The following ZNF469 variants were observed in gnomAD, a reference collection of about 807,000 sequenced individuals.
ZNF469 encodes zinc finger protein 469.
In ZNF469, 1 loss-of-function variant was observed where a neutral mutation model predicts 1.0. The ratio of observed to expected loss-of-function variants is 1.00; its 90% CI spans 0.35 to 4.73. The LOEUF (loss-of-function observed/expected upper bound fraction) is 4.73, where lower values mean the gene tolerates loss of function less well. Ranked by LOEUF, ZNF469 falls within the 30% of genes most tolerant of loss-of-function variation. ZNF469 has a pLI of 0.16. For missense variants in ZNF469, 6,100 were observed against 5,356.3 expected (o/e 1.14, Z -4.33); for synonymous variants, 2,703 against 2,363.4 (o/e 1.14, Z -4.17).
At chr16:88,167,424 C>T in the ZNF469 span, among the ~76,000 whole-genome samples, 2 of 152,184 alleles carry the variant, frequency 1.3e-5, no homozygotes, top group Non-Finnish European at 2.9e-5. Flanking sequence ...AGAAGAATCT[C>T]CTTGACTCCG....
At chr16:88,121,383 C>T in the ZNF469 span, among the ~76,000 whole-genome samples, 10 of 152,202 alleles carry the variant, frequency 6.6e-5, no homozygotes, top group East Asian at 3.9e-4. Flanking sequence ...GAAACTAAGC[C>T]GCTGTCGCCA....
Position 88,435,771 on chromosome 16 carries a change from CAA to C in ZNF469, c.8303_8304del (p.Lys2768ArgfsTer67). 1.3e-6 allele frequency: 2 copies of C among 1,550,742 alleles called. No individual in the cohort carries two copies. Among genetic ancestry groups the C allele is most frequent in the Non-Finnish European group, 1.7e-6 (2 of 1,146,990 alleles). On this transcript the variant is annotated frameshift_variant, in exon 3 of 3. Transcript: ENST00000565624. LOFTEE classifies it low-confidence loss of function (END_TRUNC). The part of the protein sequence containing the change: ...PRETKALGVC[K>X]ESGSEPAEDS... ...GAGAGACCAAGGCGTTGGGTGTGTG[CAA>C]AGAGTCTGGGAGCGAGCCTGCGGAG... is the stretch of plus-strand genomic sequence containing the variant.
chr16:88,153,492 C>G, the ZNF469 span, among the ~76,000 whole-genome samples: 1 of 152,168 alleles, frequency 6.6e-6, no homozygotes, highest in Admixed American at 6.5e-5. Context: ...AGGATTTTTC[C>G]CGAGTGGGTA....
At chr16:88,193,138 GTGA>G in the ZNF469 span, among the ~76,000 whole-genome samples, 5,295 of 67,134 alleles carry the variant, frequency 0.079, 1,412 homozygotes, top group Non-Finnish European at 0.1. Flanking sequence ...GGTGATGGTG[GTGA>G]TGGTGGTGGG....
the ZNF469 span, among the ~76,000 whole-genome samples, chr16:88,123,650 G>A: frequency 3.3e-5 from 5 of 151,508 alleles, no homozygotes; most frequent in Non-Finnish European, 7.4e-5. Flanking sequence ...CTTGCCAAAG[G>A]GGTCGTCCCC....
At chr16:88,225,567 T>C in the ZNF469 span, among the ~76,000 whole-genome samples, 1 of 151,172 alleles carries the variant, frequency 6.6e-6, no homozygotes, top group Non-Finnish European at 1.5e-5. Flanking sequence ...GAGCCGCCCA[T>C]GCCCTCTGCC....
the ZNF469 span, among the ~76,000 whole-genome samples, chr16:88,228,087 T>C: frequency 6.6e-6 from 1 of 152,374 alleles, no homozygotes; most frequent in East Asian, 1.9e-4. Flanking sequence ...CCCGATCCAG[T>C]ATGACCTCGT....
the ZNF469 span, among the ~76,000 whole-genome samples, chr16:88,120,806 G>A: frequency 1.3e-5 from 2 of 152,184 alleles, no homozygotes; most frequent in Non-Finnish European, 2.9e-5. Context: ...TATGAATCCC[G>A]GAGGAGACGC....
At chr16:88,294,516 C>T in the ZNF469 span, among the ~76,000 whole-genome samples, 7 of 152,222 alleles carry the variant, frequency 4.6e-5, no homozygotes, top group African/African-American at 1.7e-4. Flanking sequence ...TACTCAAAGA[C>T]ACAGGCAAGA....
chr16:88,328,978 G>A, the ZNF469 span, among the ~76,000 whole-genome samples: 1 of 152,138 alleles, frequency 6.6e-6, no homozygotes, highest in Non-Finnish European at 1.5e-5. Context: ...TTCTCCACGG[G>A]GTCCCGACGT....
chr16:88,356,820 G>A, the ZNF469 span, among the ~76,000 whole-genome samples: 6 of 152,240 alleles, frequency 3.9e-5, no homozygotes, highest in Admixed American at 3.9e-4. Flanking sequence ...CGGGGCAGGA[G>A]CCGCATCAGT....
chr16:88,224,270 T>C, the ZNF469 span, among the ~76,000 whole-genome samples: 1 of 152,302 alleles, frequency 6.6e-6, no homozygotes, highest in Admixed American at 6.5e-5. Flanking sequence ...GGCCTGTCCC[T>C]CCTGACCCCA....
At chr16:88,218,682 G>A in the ZNF469 span, among the ~76,000 whole-genome samples, 1 of 150,664 alleles carries the variant, frequency 6.6e-6, no homozygotes, top group African/African-American at 2.4e-5. Context: ...GCAAAAACTG[G>A]AAGCATTCCC....
the ZNF469 span, among the ~76,000 whole-genome samples, chr16:88,172,113 G>A: frequency 6.6e-6 from 1 of 152,258 alleles, no homozygotes; most frequent in African/African-American, 2.4e-5. Context: ...AGATAGAAAT[G>A]AGTTCAGGGA....
chr16:88,378,587 G>A (rs563769973), upstream of ZNF469, among the ~76,000 whole-genome samples: 3 of 152,242 alleles, frequency 2.0e-5, no homozygotes, highest in Admixed American at 1.3e-4. Flanking sequence ...ACCTCTGCCC[G>A]GCTGCTCACA....
chr16:88,167,536 T>C, the ZNF469 span, among the ~76,000 whole-genome samples: 309 of 152,256 alleles, frequency 2.0e-3, no homozygotes, highest in African/African-American at 6.6e-3. Context: ...AGCGACACAT[T>C]AGATTTCCCT....
chr16:88,257,093 C>T, the ZNF469 span, among the ~76,000 whole-genome samples: 30 of 145,124 alleles, frequency 2.1e-4, no homozygotes, highest in Admixed American at 2.1e-3. Flanking sequence ...GGATTACAGG[C>T]ATGCACCACC....
At chr16:88,372,337 A>G in the ZNF469 span, among the ~76,000 whole-genome samples, 12 of 148,652 alleles carry the variant, frequency 8.1e-5, no homozygotes, top group African/African-American at 2.8e-4. Context: ...CACCACCATC[A>G]TCACCATCAC....
rs273585635 is a variant in ZNF469, at chr16:88,430,113, C to T, written c.2643C>T (p.Ser881=). The T allele has an allele frequency of 1.9e-6, 3 of 1,549,790 alleles. No individual in the cohort carries two copies. Among genetic ancestry groups the T allele is most frequent in the East Asian group, 2.4e-5 (1 of 40,910 alleles). ...EEPSGPRGPS[S]GHPLKSKAGV... ...CTTCCGGCCCCAGAGGTCCCAGCTC[C>T]GGACACCCCCTTAAGAGCAAGGCGG... Residue 881 remains serine (S), a synonymous_variant, in exon 3 of 3, where the codon TCC becomes TCT. Transcript: ENST00000565624.
Sources: gnomAD v4.1 joint callset for allele counts (sites outside exome capture counted in the v4.1 genomes callset) on GRCh38, gnomAD v4.1.1 for gene constraint, MANE v1.5 for transcripts, NCBI Gene and HGNC (gene_info 2026-07-23, HGNC 2026-07-21) for gene names.